The following CASZ1 variants were observed in gnomAD, a reference collection of about 807,000 sequenced individuals.
CASZ1 encodes zinc finger protein castor homolog 1.
CASZ1 carries 28 observed loss-of-function variants against 135.2 expected under a neutral mutation model. The ratio of observed to expected loss-of-function variants is 0.21; its 90% CI spans 0.15 to 0.28. The LOEUF is 0.28. CASZ1 is among the 10% of genes least tolerant of loss of function. The pLI, the probability that CASZ1 is intolerant of heterozygous loss-of-function variation, is 1.00. For synonymous variants in CASZ1, 1,068 were observed against 1,073.4 expected, an observed-to-expected ratio of 0.99 and a Z score of 0.10; for missense variants, 2,161 against 2,453.3, an observed-to-expected ratio of 0.88 and a Z score of 2.52.
At chr1:10,748,729 T>C (rs1438900036) in intron 2 of CASZ1, among the ~76,000 whole-genome samples, 1 of 152,182 alleles carries the variant, frequency 6.6e-6, no homozygotes, top group Non-Finnish European at 1.5e-5. Flanking sequence ...ACTGGTTTTA[T>C]GCCTGTAGAG....
chr1:10,793,604 C>T (rs1002604292), intron 1 of CASZ1, among the ~76,000 whole-genome samples: 29 of 151,644 alleles, frequency 1.9e-4, no homozygotes, highest in African/African-American at 6.0e-4. Context: ...AATAACTAGT[C>T]TAATAAATTA....
chr1:10,665,197 C>A lies in CASZ1; in HGVS notation c.391G>T (p.Asp131Tyr). ...GGCTCCTCCGCGTGGTCTTCCTCAT[C>A]GCTGCACCCCTGGGGCTGCACCATG... ...VYMVQPQGCS[D>Y]EEDHAEEPSK... is the part of the protein sequence containing the mutation. The change falls in exon 5 of 21, where the codon GAT becomes TAT. Residue 131 changes from aspartate to tyrosine, a missense_variant. Physicochemically the swap from Asp to Tyr is radical, Grantham distance 160 (BLOSUM62 -3). Coordinates refer to ENST00000377022, the MANE Select transcript of CASZ1 (RefSeq NM_001079843.3). 6.3e-7 allele frequency: 1 copy of A among 1,577,744 alleles called. No homozygotes were observed. The highest frequency in any genetic ancestry group is 8.6e-7 in the Non-Finnish European group (1 of 1,158,794).
intron 2 of CASZ1, among the ~76,000 whole-genome samples, chr1:10,746,114 G>C (rs895893333): frequency 6.6e-6 from 1 of 152,220 alleles, no homozygotes; most frequent in South Asian, 2.1e-4. Flanking sequence ...GAGTGGCCTC[G>C]AGGCAGGGCG....
At chr1:10,672,927 T>C (rs1407096185) in intron 4 of CASZ1, among the ~76,000 whole-genome samples, 2 of 152,208 alleles carry the variant, frequency 1.3e-5, no homozygotes, top group East Asian at 3.9e-4. Context: ...TTATTAGTGG[T>C]GTTTTTATTA....
Position 10,684,568 on chromosome 1 carries a change from C to T in CASZ1, c.16+9306G>A, listed in dbSNP as rs61776329. Among the ~76,000 whole-genome samples, 1,407 of 152,312 alleles carry T rather than the reference C, an allele frequency of 9.2e-3. 18 individuals carry two copies. Among genetic ancestry groups the T allele is most frequent in the African/African-American group, 0.032 (1,311 of 41,550 alleles). The stretch of plus-strand genomic sequence containing the variant: ...CCATGTCAAGTAGCCCATCCTCCTG[C>T]CTCCAAACAGGGCTGACTAAGCCTC... On this transcript the variant is annotated intron_variant, in intron 4 of 20. Transcript: ENST00000377022.
chr1:10,680,285 T>TGGGG (rs1557500162), intron 4 of CASZ1, among the ~76,000 whole-genome samples: 1 of 92,674 alleles, frequency 1.1e-5, no homozygotes, highest in Non-Finnish European at 2.1e-5. Context: ...CGGCGGGGGA[T>TGGGG]GGTGGAGGGG....
intron 4 of CASZ1, among the ~76,000 whole-genome samples, chr1:10,671,341 C>T (rs1227287924): frequency 3.9e-5 from 6 of 152,214 alleles, no homozygotes; most frequent in Non-Finnish European, 5.9e-5. Context: ...CACACACGCT[C>T]GGATGCCTGT....
At chr1:10,723,511 C>G (rs985387538) in intron 2 of CASZ1, among the ~76,000 whole-genome samples, 11 of 152,230 alleles carry the variant, frequency 7.2e-5, no homozygotes, top group Non-Finnish European at 1.3e-4. Flanking sequence ...CACCTGCTGC[C>G]TCACCCCTGC....
At chr1:10,670,287 T>G (rs1164461146) in intron 4 of CASZ1, among the ~76,000 whole-genome samples, 2 of 152,150 alleles carry the variant, frequency 1.3e-5, no homozygotes, top group African/African-American at 4.8e-5. Context: ...CATTCCCACA[T>G]AAGGAAGCAA....
rs1399888226 is a variant in CASZ1, at chr1:10,735,800, C to T, written c.-77+24901G>A. Among the ~76,000 whole-genome samples, 2 of 152,158 alleles carry T rather than the reference C, an allele frequency of 1.3e-5. No homozygotes were observed. Among genetic ancestry groups the T allele is most frequent in the Non-Finnish European group, 2.9e-5 (2 of 68,026 alleles). ...GCCATCAGTGCCTCGCTCTGGGCTG[C>T]ACCAAGGGGACACTGGGAGTTGTAG... On this transcript the variant is annotated intron_variant, in intron 2 of 20. Transcript: ENST00000377022. This position sits in a 1 kb window ranked among gnomAD's most constrained non-coding sequence, Gnocchi z 5.1.
At chr1:10,654,268 C>G (rs1166663483) in intron 10 of CASZ1, 50 bp from the exon 11 acceptor site, 2 of 1,584,600 alleles carry the variant, frequency 1.3e-6, no homozygotes, top group African/African-American at 1.5e-5. Context: ...AGGCCCCACC[C>G]TGCTACACCA....
intron 2 of CASZ1, among the ~76,000 whole-genome samples, chr1:10,712,348 AATAAATAC>A (rs1397578897): frequency 6.6e-6 from 1 of 152,218 alleles, no homozygotes; most frequent in Non-Finnish European, 1.5e-5. Flanking sequence ...CTCTGTCTCA[AATAAATAC>A]ATAAATAAAA....
rs768193279 is a variant in CASZ1, at chr1:10,654,153, A to C, written c.1904T>G (p.Ile635Ser). 1.9e-6 allele frequency: 3 copies of C among 1,614,038 alleles called. No homozygotes were observed. In the African/African-American group the frequency reaches 4.0e-5, roughly 22 times the overall value. The change falls in exon 11 of 21, where the codon ATC (isoleucine) becomes AGC (serine). Residue 635 changes from isoleucine (I) to serine (S), a missense_variant. Ile to Ser is a moderately radical substitution (Grantham distance 142, BLOSUM62 -2). Coordinates refer to ENST00000377022, the MANE Select transcript of CASZ1 (RefSeq NM_001079843.3). ...GTCCTTGGCGTAGGCATCGTCCTTG[A>C]TGTGGTAGCTCTTGTGCTTCTCGAT... ...CDIEKHKSYH[I>S]KDDAYAKDGF...
intron 2 of CASZ1, among the ~76,000 whole-genome samples, chr1:10,732,340 AATAT>A (rs112910997): frequency 6.7e-6 from 1 of 148,730 alleles, no homozygotes. Flanking sequence ...AAAAAAAGAA[AATAT>A]ATATATATAT....
chr1:10,678,981 C>T (rs946557636), intron 4 of CASZ1, among the ~76,000 whole-genome samples: 5 of 152,172 alleles, frequency 3.3e-5, no homozygotes, highest in African/African-American at 7.2e-5. Flanking sequence ...GCAGGACAGA[C>T]GCCCGTCTGC....
In CASZ1 at chr1:10,638,072, CG is replaced by C. The variant is rs1275241543; in HGVS notation, c.*869del. ...CGGGACTGAGCCTCCAACCTCAGGC[CG>C]GGCCCAGGCGGGTCTGCACTCTCAC... On this transcript the variant is annotated 3_prime_UTR_variant, in exon 21 of 21. Transcript: ENST00000377022. This position sits in a 1 kb window ranked among gnomAD's most constrained non-coding sequence, Gnocchi z 5.9. The C allele has an allele frequency of 6.6e-6, 1 of 152,492 alleles. No individual in the cohort carries two copies. The highest frequency in any genetic ancestry group is 6.5e-5 in the Admixed American group (1 of 15,288). The allele number at this position is 152,492 out of a possible 1,614,324, so 9.4% of individuals were successfully genotyped here.
chr1:10,679,984 C>A lies in CASZ1; in HGVS notation c.16+13890G>T, dbSNP rs1244528855. On this transcript the variant is annotated intron_variant, in intron 4 of 20. Coordinates refer to ENST00000377022, the MANE Select transcript of CASZ1 (RefSeq NM_001079843.3). The surrounding 1 kb of genome is among the most constrained non-coding windows in gnomAD (Gnocchi z 4.7). ...TGAGCCCCTTGGCCCTTAGGGGACTCCTGGCTGGACTCTAGGGGGTCTGGA... is the reference window on the plus strand; with the variant it reads ...TGAGCCCCTTGGCCCTTAGGGGACTACTGGCTGGACTCTAGGGGGTCTGGA... Among the ~76,000 whole-genome samples the A allele has an allele frequency of 6.6e-6, 1 of 152,120 alleles. No homozygotes were observed. Among genetic ancestry groups the A allele is most frequent in the Non-Finnish European group, 1.5e-5 (1 of 68,020 alleles).
chr1:10,795,481 G>A (rs2100643928), intron 1 of CASZ1, among the ~76,000 whole-genome samples: 1 of 151,918 alleles, frequency 6.6e-6, no homozygotes, highest in East Asian at 2.0e-4. Context: ...CCTCTCCCAC[G>A]CTGCAGAGCC....
At chr1:10,688,152 G>A (rs1557506997) in intron 4 of CASZ1, among the ~76,000 whole-genome samples, 1 of 152,222 alleles carries the variant, frequency 6.6e-6, no homozygotes, top group African/African-American at 2.4e-5. Flanking sequence ...CGTGGCAGAG[G>A]AAAACAAGGG....
Sources: gnomAD v4.1 joint callset for allele counts (sites outside exome capture counted in the v4.1 genomes callset) on GRCh38, gnomAD v4.1.1 for gene constraint, Gnocchi (gnomAD v3.1) non-coding constraint, MANE v1.5 for transcripts, NCBI Gene and HGNC (gene_info 2026-07-23, HGNC 2026-07-21) for gene names.